Variants in GSK3B observed in about 807,000 individuals in gnomAD.
The protein encoded by GSK3B is glycogen synthase kinase 3 beta, also known as glycogen synthase kinase-3 beta.
GSK3B carries 15 observed loss-of-function variants against 56.4 expected under a neutral mutation model. The ratio of observed to expected loss-of-function variants is 0.27; its 90% CI spans 0.18 to 0.41. The LOEUF (loss-of-function observed/expected upper bound fraction) is 0.41, where lower values mean the gene tolerates loss of function less well. GSK3B is among the 10% of genes least tolerant of loss of function. The pLI, the probability that GSK3B is intolerant of heterozygous loss-of-function variation, is 1.00. For synonymous variants in GSK3B, 181 were observed against 188.9 expected (o/e 0.96, Z 0.34); for missense variants, 300 against 513.4 (o/e 0.58, Z 4.02).
intron 8 of GSK3B, among the ~76,000 whole-genome samples, chr3:119,865,516 C>T (rs1216451635): frequency 3.3e-5 from 4 of 121,514 alleles, no homozygotes; most frequent in African/African-American, 9.6e-5. Flanking sequence ...GTCACCCAGG[C>T]TGGAATGCAG....
rs79610052 is a variant in GSK3B at position 119,825,652 on chromosome 3, A to G, written c.*1136T>C. The stretch of plus-strand genomic sequence containing the variant: ...ATAAATGTAAAAAGCATGAGGTTAA[A>G]AAACAAATTAAATACAGATTCTAGA... On this transcript the variant is annotated 3_prime_UTR_variant, in exon 11 of 11. Transcript: ENST00000264235. 0.013 allele frequency: 2,969 copies of G among 228,102 alleles called. 79 individuals are homozygous for G. Among genetic ancestry groups the G allele is most frequent in the African/African-American group, 0.06 (2,718 of 45,212 alleles). 14.1% of individuals were successfully genotyped at this position (228,102 alleles called of 1,614,324 possible). A position where few individuals can be genotyped will look rare whatever the true frequency, so the allele number is the denominator to read the frequency against.
Position 119,957,419 on chromosome 3 carries a change from C to T in GSK3B, c.283-10068G>A, listed in dbSNP as rs73854753. The stretch of plus-strand genomic sequence containing the variant: ...ATGCCTGCATGAACTAAGGGAATAA[C>T]GGACTTTTATATCCTGACAGGTAAT... On this transcript the variant is annotated intron_variant, in intron 2 of 10. Coordinates refer to ENST00000264235, the MANE Select transcript of GSK3B (RefSeq NM_001146156.2). 6.5e-3 allele frequency among the ~76,000 whole-genome samples: 982 copies of T among 152,242 alleles called. 11 individuals carry two copies. Among genetic ancestry groups the T allele is most frequent in the African/African-American group, 0.02 (823 of 41,534 alleles).
intron 7 of GSK3B, among the ~76,000 whole-genome samples, chr3:119,881,304 T>C (rs558367853): frequency 2.5e-4 from 38 of 152,206 alleles, no homozygotes; most frequent in African/African-American, 9.1e-4. Context: ...ATAAGTATAT[T>C]CATCATTAAA....
At position 120,046,605 on chromosome 3, in the gene GSK3B, T is replaced by TTTTA. The variant is rs568918957; in HGVS notation, c.89-44370_89-44367dup. Among the ~76,000 whole-genome samples, 47 of 152,170 alleles carry TTTTA rather than the reference T, an allele frequency of 3.1e-4. No homozygotes were observed. The East Asian group carries it at 8.3e-3, about 27-fold the overall frequency. ...ATTCATTATTAAAATTTTAATTTAA[T>TTTTA]TTTATTTATTTATTTATTTTGAGAC... On this transcript the variant is annotated intron_variant, in intron 1 of 10. Coordinates refer to ENST00000264235, the MANE Select transcript of GSK3B (RefSeq NM_001146156.2).
chr3:119,883,964 A>AT (rs1323680319), intron 7 of GSK3B, among the ~76,000 whole-genome samples: 1 of 152,168 alleles, frequency 6.6e-6, no homozygotes, highest in African/African-American at 2.4e-5. Context: ...AACATTAGAT[A>AT]TATTACTTAG....
intron 2 of GSK3B, among the ~76,000 whole-genome samples, chr3:119,994,378 G>C (rs879306938): frequency 6.6e-6 from 1 of 152,054 alleles, no homozygotes; most frequent in Non-Finnish European, 1.5e-5. Flanking sequence ...ACCATTTGTA[G>C]CCATTATTAT....
At chr3:120,073,846 G>A (rs1185956063) in intron 1 of GSK3B, among the ~76,000 whole-genome samples, 2 of 152,056 alleles carry the variant, frequency 1.3e-5, no homozygotes, top group South Asian at 2.1e-4. Context: ...CAAACAAGTT[G>A]CTTAAAATAG....
intron 2 of GSK3B, among the ~76,000 whole-genome samples, chr3:119,970,838 T>C (rs919445019): frequency 7.3e-5 from 11 of 151,594 alleles, no homozygotes; most frequent in African/African-American, 2.7e-4. Context: ...ACAAAAACAA[T>C]CATCACTTAC....
At chr3:119,891,847 T>A (rs994918958) in intron 7 of GSK3B, among the ~76,000 whole-genome samples, 1 of 152,152 alleles carries the variant, frequency 6.6e-6, no homozygotes, top group Non-Finnish European at 1.5e-5. Context: ...TCATGATCTT[T>A]TCATTTGTTG....
At chr3:120,078,517 T>A (rs993392907) in intron 1 of GSK3B, among the ~76,000 whole-genome samples, 1 of 151,374 alleles carries the variant, frequency 6.6e-6, no homozygotes, top group Non-Finnish European at 1.5e-5. Flanking sequence ...AGCAGAAATA[T>A]CAGAAATATC....
At chr3:119,930,459 G>T (rs2056935081) in intron 3 of GSK3B, among the ~76,000 whole-genome samples, 1 of 152,088 alleles carries the variant, frequency 6.6e-6, no homozygotes. Flanking sequence ...GATAGATTTG[G>T]CTGTCAATTT....
chr3:119,917,300 T>G (rs2056791061), intron 4 of GSK3B, among the ~76,000 whole-genome samples: 1 of 152,164 alleles, frequency 6.6e-6, no homozygotes. Context: ...AGTACATCCT[T>G]GAAGTTAATG....
chr3:119,837,962 A>G (rs1470508979), intron 10 of GSK3B, among the ~76,000 whole-genome samples: 2 of 147,152 alleles, frequency 1.4e-5, no homozygotes, highest in Admixed American at 1.4e-4. Flanking sequence ...ATATATATAT[A>G]TATATATATT....
At position 119,915,995 on chromosome 3, in the gene GSK3B, G is replaced by A. The variant is rs199577961; in HGVS notation, c.608+49C>T. Reference sequence around the variant, plus strand: ...GGAATATATTTAAAAGAAGATAGTAGGGGGAGGAGGGGAAAAGGGAAGGGG... The same window carrying A: ...GGAATATATTTAAAAGAAGATAGTAAGGGGAGGAGGGGAAAAGGGAAGGGG... On this transcript the variant is annotated intron_variant, in intron 5 of 10. Transcript: ENST00000264235. The A allele has an allele frequency of 1.6e-4, 204 of 1,312,792 alleles. No homozygotes were observed. In the East Asian group the frequency reaches 4.7e-3, roughly 30 times the overall value. The allele number at this position is 1,312,792 out of a possible 1,614,324, so 81.3% of individuals were successfully genotyped here.
chr3:119,890,278 T>G (rs2056487234), intron 7 of GSK3B, among the ~76,000 whole-genome samples: 1 of 151,950 alleles, frequency 6.6e-6, no homozygotes, highest in South Asian at 2.1e-4. Context: ...TGTGGTATAC[T>G]CATAAAACAG....
In GSK3B at chr3:119,824,684, TATAAAAC is replaced by T. The variant is rs1427958941; in HGVS notation, c.*2097_*2103del. 1.0e-5 allele frequency: 2 copies of T among 194,530 alleles called. No individual in the cohort carries two copies. Among genetic ancestry groups the T allele is most frequent in the Non-Finnish European group, 2.1e-5 (2 of 93,486 alleles). 12.1% of individuals were successfully genotyped at this position (194,530 alleles called of 1,614,324 possible). On this transcript the variant is annotated 3_prime_UTR_variant, in exon 11 of 11. Coordinates refer to ENST00000264235, the MANE Select transcript of GSK3B (RefSeq NM_001146156.2). Reference sequence around the variant, plus strand: ...CAAATCTTAGCTTTCAGAAGCACTTTATAAAACATAAAATTCAATTTGTTTGATTTGG... The same window carrying T: ...CAAATCTTAGCTTTCAGAAGCACTTTATAAAATTCAATTTGTTTGATTTGG...
intron 7 of GSK3B, among the ~76,000 whole-genome samples, chr3:119,888,897 T>G (rs977416648): frequency 1.3e-5 from 2 of 152,060 alleles, no homozygotes. Context: ...TCTCCTGCAG[T>G]ACCCTCAGGC....
intron 1 of GSK3B, among the ~76,000 whole-genome samples, chr3:120,044,734 T>C (rs1219578462): frequency 6.6e-6 from 1 of 152,150 alleles, no homozygotes; most frequent in Non-Finnish European, 1.5e-5. Flanking sequence ...GTCAAAGGAA[T>C]AGCTGACCAA....
At chr3:119,956,744 T>A (rs2107501356) in intron 2 of GSK3B, among the ~76,000 whole-genome samples, 1 of 152,222 alleles carries the variant, frequency 6.6e-6, no homozygotes, top group Non-Finnish European at 1.5e-5. Context: ...AAGAAAAGAT[T>A]CTGGAGAATA....
Sources: gnomAD v4.1 joint callset for allele counts (sites outside exome capture counted in the v4.1 genomes callset) on GRCh38, gnomAD v4.1.1 for gene constraint, MANE v1.5 for transcripts, NCBI Gene and HGNC (gene_info 2026-07-23, HGNC 2026-07-21) for gene names.